Variants in CDH4 observed in about 807,000 individuals in gnomAD.
CDH4 encodes cadherin 4, also known as cadherin-4.
A neutral mutation model predicts 86.0 loss-of-function variants in CDH4; 33 were observed. The ratio of observed to expected loss-of-function variants is 0.38; its 90% confidence interval spans 0.29 to 0.51. The LOEUF (loss-of-function observed/expected upper bound fraction) is 0.51, where lower values mean the gene tolerates loss of function less well. CDH4 is among the 20% of genes least tolerant of loss of function. The pLI, the probability that CDH4 is intolerant of heterozygous loss-of-function variation, is 0.86. For missense variants in CDH4, 1,114 were observed against 1,307.4 expected, an observed-to-expected ratio of 0.85 and a Z score of 2.28; for synonymous variants, 555 against 549.4, an observed-to-expected ratio of 1.01 and a Z score of -0.14.
chr20:61,680,254 A>G (rs1045607998), intron 2 of CDH4, among the ~76,000 whole-genome samples: 1 of 152,202 alleles, frequency 6.6e-6, no homozygotes, highest in Non-Finnish European at 1.5e-5. Context: ...CAGGATCCAG[A>G]CCATAAGGAG....
intron 2 of CDH4, among the ~76,000 whole-genome samples, chr20:61,534,802 TCAACCCGACGGCCTCCCTTGCTG>T (rs2085984276): frequency 8.0e-6 from 1 of 124,654 alleles, no homozygotes; most frequent in African/African-American, 2.9e-5. Flanking sequence ...CTGTTCATCC[TCAACCCGACGGCCTCCCTTGCTG>T]GGACGCTCCT....
intron 6 of CDH4, among the ~76,000 whole-genome samples, chr20:61,865,278 T>C (rs1035033974): frequency 1.3e-5 from 2 of 152,156 alleles, no homozygotes; most frequent in Non-Finnish European, 2.9e-5. Flanking sequence ...ATGGTTAGTG[T>C]AGATGATGGA....
At chr20:61,667,774 G>A (rs910575437) in intron 2 of CDH4, among the ~76,000 whole-genome samples, 4 of 152,216 alleles carry the variant, frequency 2.6e-5, no homozygotes, top group Admixed American at 6.5e-5. Flanking sequence ...TTGCTGCTGG[G>A]TCCTCGGTGA....
At chr20:61,439,382 G>A (rs1368301505) in intron 2 of CDH4, among the ~76,000 whole-genome samples, 5 of 152,162 alleles carry the variant, frequency 3.3e-5, no homozygotes, top group East Asian at 1.9e-4. Flanking sequence ...TGGCCTGTCC[G>A]GACTTGGAGT....
At chr20:61,857,711 C>T (rs1258336162) in intron 6 of CDH4, among the ~76,000 whole-genome samples, 1 of 152,266 alleles carries the variant, frequency 6.6e-6, no homozygotes, top group African/African-American at 2.4e-5. Context: ...TGTAGAGTCA[C>T]ATGCAGTTGT....
chr20:61,654,434 C>T (rs907625388), intron 2 of CDH4, among the ~76,000 whole-genome samples: 4 of 151,872 alleles, frequency 2.6e-5, no homozygotes, highest in Non-Finnish European at 4.4e-5. Flanking sequence ...AGAGGGAGAC[C>T]GTGGGGAGAG....
chr20:61,696,144 G>A (rs2087712614), intron 2 of CDH4, among the ~76,000 whole-genome samples: 1 of 152,258 alleles, frequency 6.6e-6, no homozygotes. Context: ...GTCTGTGCCA[G>A]GCTGGATTGT....
intron 2 of CDH4, among the ~76,000 whole-genome samples, chr20:61,552,369 G>A (rs1276417821): frequency 1.3e-5 from 2 of 152,190 alleles, no homozygotes; most frequent in African/African-American, 4.8e-5. Flanking sequence ...TAAAATCTGT[G>A]TAACGTCATT....
At chr20:61,790,147 C>T (rs1220852400) in intron 4 of CDH4, among the ~76,000 whole-genome samples, 5 of 151,646 alleles carry the variant, frequency 3.3e-5, no homozygotes, top group East Asian at 1.9e-4. Context: ...CACCCATCCA[C>T]ACACCCACCC....
intron 7 of CDH4, among the ~76,000 whole-genome samples, chr20:61,886,267 G>A (rs1002052180): frequency 2.6e-5 from 4 of 152,216 alleles, no homozygotes; most frequent in East Asian, 3.9e-4. Context: ...CCGGCCAGCC[G>A]ATGCTGGGTA....
At chr20:61,578,204 A>G (rs1179768014) in intron 2 of CDH4, among the ~76,000 whole-genome samples, 1 of 152,226 alleles carries the variant, frequency 6.6e-6, no homozygotes, top group Non-Finnish European at 1.5e-5. Flanking sequence ...GTTGGTGAAG[A>G]GAGAGGTCCT....
chr20:61,923,185 C>T (rs1600777729), intron 9 of CDH4, among the ~76,000 whole-genome samples: 1 of 152,248 alleles, frequency 6.6e-6, no homozygotes, highest in African/African-American at 2.4e-5. Context: ...AGGAGCCCAG[C>T]TTCTGCCTCA....
chr20:61,511,103 G>T (rs1404995220), intron 2 of CDH4, among the ~76,000 whole-genome samples: 2 of 152,224 alleles, frequency 1.3e-5, no homozygotes, highest in African/African-American at 2.4e-5. Flanking sequence ...CAACACTGGG[G>T]ATTCCATTTA....
At chr20:61,592,730 G>A (rs962850134) in intron 2 of CDH4, among the ~76,000 whole-genome samples, 4 of 152,078 alleles carry the variant, frequency 2.6e-5, no homozygotes, top group South Asian at 2.1e-4. Flanking sequence ...TCACTCCCAC[G>A]CAGTCTTCTG....
intron 2 of CDH4, among the ~76,000 whole-genome samples, chr20:61,583,866 A>G (rs2086450670): frequency 6.6e-6 from 1 of 152,216 alleles, no homozygotes; most frequent in Non-Finnish European, 1.5e-5. Flanking sequence ...GACTTTTAAA[A>G]TATTCACTGG....
intron 2 of CDH4, among the ~76,000 whole-genome samples, chr20:61,419,246 C>T (rs1600960327): frequency 2.6e-5 from 4 of 152,258 alleles, no homozygotes; most frequent in South Asian, 4.1e-4. Flanking sequence ...CAGAGGCGGC[C>T]GCTTTGCCCA....
intron 2 of CDH4, among the ~76,000 whole-genome samples, chr20:61,585,863 G>A (rs1240368285): frequency 6.6e-6 from 1 of 151,376 alleles, no homozygotes; most frequent in Admixed American, 6.6e-5. Context: ...TAATGGTGAT[G>A]AAGATGATGG....
chr20:61,671,590 C>T (rs775695025), intron 2 of CDH4, among the ~76,000 whole-genome samples: 17 of 149,740 alleles, frequency 1.1e-4, no homozygotes, highest in Admixed American at 4.0e-4. Context: ...GGATGATGAA[C>T]GGGTGGATGG....
intron 2 of CDH4, among the ~76,000 whole-genome samples, chr20:61,680,564 G>C (rs2087500348): frequency 6.6e-6 from 1 of 152,144 alleles, no homozygotes; most frequent in Admixed American, 6.6e-5. Flanking sequence ...AATGAGGAGT[G>C]GGGGAAGGGC....
Sources: gnomAD v4.1 joint callset for allele counts (sites outside exome capture counted in the v4.1 genomes callset) on GRCh38, gnomAD v4.1.1 for gene constraint, MANE v1.5 for transcripts, NCBI Gene and HGNC (gene_info 2026-07-23, HGNC 2026-07-21) for gene names.